Variants in ERCC8 observed in about 807,000 individuals in gnomAD.
The protein encoded by ERCC8 is ERCC excision repair 8, CSA ubiquitin ligase complex subunit.
Under a neutral mutation model 54.9 loss-of-function variants are expected in ERCC8, and 52 were observed. The observed-to-expected ratio is 0.95, with a 90% CI of 0.76 to 1.19. The LOEUF (loss-of-function observed/expected upper bound fraction) is 1.19. Among genes scored for constraint, ERCC8 ranks in the 50% most tolerant of loss-of-function variants. The pLI is 0.00. For missense variants in ERCC8, 514 were observed against 466.1 expected (o/e 1.10, Z -0.95); for synonymous variants, 146 against 157.2 (o/e 0.93, Z 0.53).
intron 1 of ERCC8, among the ~76,000 whole-genome samples, chr5:60,935,890 AC>A (rs1359342277): frequency 2.0e-5 from 3 of 152,298 alleles, no homozygotes; most frequent in African/African-American, 7.2e-5. Context: ...TATGAAACCC[AC>A]TTGATCATGG....
rs61759478 is a variant in ERCC8, at chr5:60,928,886, T to C, written c.151A>G (p.Ile51Val). 6.1e-5 allele frequency: 97 copies of C among 1,601,154 alleles called. 1 individual carries two copies. The Middle Eastern group carries it at 3.3e-3, about 54-fold the overall frequency. The change falls in exon 2 of 12, where the codon ATT (isoleucine) becomes GTT (valine). Residue 51 changes from isoleucine (I) to valine (V), a missense_variant. Physicochemically the swap from Ile to Val is conservative, Grantham distance 29. Transcript: ENST00000676185. ...TACTATCTCCCTTCAACAGGTTCAATGTCAAGGGTGTTAATTCCACCGCCG... is the reference window on the plus strand; with the variant it reads ...TACTATCTCCCTTCAACAGGTTCAACGTCAAGGGTGTTAATTCCACCGCCG... ...IHGGGINTLDIEPVEGRYMLS... is the reference protein window; with the variant it reads ...IHGGGINTLDVEPVEGRYMLS...
chr5:60,910,836 G>A (rs1561507259), intron 4 of ERCC8, among the ~76,000 whole-genome samples: 2 of 151,982 alleles, frequency 1.3e-5, no homozygotes, highest in African/African-American at 4.8e-5. Flanking sequence ...AATGCTTCCT[G>A]TCCAGTTCCT....
Position 60,869,303 on chromosome 5 carries a change from GT to G in ERCC8, c.*5311del, listed in dbSNP as rs1747815810. ...AGGTTTTCCTTTCCATTGTGAAATA[GT>G]GATTTTGCTTTGAAAAATAATTGAG... On this transcript the variant is annotated 3_prime_UTR_variant, in exon 12 of 12. Coordinates refer to ENST00000676185, the MANE Select transcript of ERCC8 (RefSeq NM_000082.4). Among the ~76,000 whole-genome samples the G allele has an allele frequency of 6.6e-6, 1 of 152,100 alleles. No homozygotes were observed. Among genetic ancestry groups the G allele is most frequent in the Non-Finnish European group, 1.5e-5 (1 of 67,998 alleles).
intron 2 of ERCC8, 102 bp from the exon 3 acceptor site, chr5:60,922,257 T>C (rs546952821): frequency 1.4e-6 from 1 of 728,454 alleles, no homozygotes; most frequent in Admixed American, 2.0e-5. Context: ...AACACTCAAA[T>C]GTATTAAGGA....
intron 11 of ERCC8, among the ~76,000 whole-genome samples, chr5:60,885,294 G>T (rs1191749308): frequency 6.6e-6 from 1 of 152,084 alleles, no homozygotes; most frequent in Admixed American, 6.5e-5. Flanking sequence ...GATTACAGAT[G>T]TGAGCCACCA....
At chr5:60,925,363 T>C (rs1749715955) in intron 2 of ERCC8, among the ~76,000 whole-genome samples, 1 of 152,182 alleles carries the variant, frequency 6.6e-6, no homozygotes, top group South Asian at 2.1e-4. Flanking sequence ...TCCAGCAGTT[T>C]TCCTCAGTAT....
chr5:60,919,126 A>G (rs913873195), intron 3 of ERCC8, among the ~76,000 whole-genome samples: 1 of 152,052 alleles, frequency 6.6e-6, no homozygotes, highest in African/African-American at 2.4e-5. Flanking sequence ...GATATTTAAT[A>G]TAGATAATTT....
intron 11 of ERCC8, among the ~76,000 whole-genome samples, chr5:60,884,523 G>GTTTTTTTTTTTTTTTTTT (rs71606648): frequency 7.8e-6 from 1 of 128,128 alleles, no homozygotes; most frequent in African/African-American, 2.9e-5. Context: ...GTGTGTATGT[G>GTTTTTTTTTTTTTTTTTT]TTTTTTTTTT....
intron 2 of ERCC8, among the ~76,000 whole-genome samples, chr5:60,928,414 A>G (rs527590316): frequency 6.6e-5 from 10 of 152,318 alleles, no homozygotes; most frequent in South Asian, 2.1e-4. Flanking sequence ...AAGGCAACTG[A>G]TAATTCGAAA....
Position 60,944,980 on chromosome 5 carries a change from G to C in ERCC8, c.29C>G (p.Thr10Arg), listed in dbSNP as rs887884214. The C allele has an allele frequency of 6.2e-7, 1 of 1,614,094 alleles. No homozygotes were observed. Among genetic ancestry groups the C allele is most frequent in the Non-Finnish European group, 8.5e-7 (1 of 1,179,978 alleles). ...AAGGCGAAGAGGGTCCTCCAAACCC[G>C]TTTGGCGTGCGGACAAAAACCCCAG... The part of the protein sequence containing the change: MLGFLSARQ[T>R]GLEDPLRLRR... Residue 10 changes from threonine (T) to arginine (R), a missense_variant, in exon 1 of 12, where the codon ACG becomes AGG. Physicochemically the swap from Thr to Arg is moderately conservative, Grantham distance 71 (BLOSUM62 -1). Transcript: ENST00000676185.
intron 8 of ERCC8, among the ~76,000 whole-genome samples, chr5:60,899,254 C>A (rs1253779868): frequency 6.6e-6 from 1 of 151,872 alleles, no homozygotes; most frequent in Non-Finnish European, 1.5e-5. Context: ...ACATTTAACA[C>A]AATTTTATGT....
chr5:60,876,214 AT>A (rs1326732340), intron 11 of ERCC8, among the ~76,000 whole-genome samples: 1 of 152,054 alleles, frequency 6.6e-6, no homozygotes, highest in East Asian at 1.9e-4. Flanking sequence ...TGAACTCATC[AT>A]TTTTTATGGC....
At chr5:60,892,129 T>TC (rs1748579879) in intron 9 of ERCC8, 1 of 500,520 alleles carries the variant, frequency 2.0e-6, no homozygotes, top group Non-Finnish European at 4.0e-6. Context: ...TGGGCACACA[T>TC]CCACCTTACT....
At chr5:60,896,790 C>T (rs1748736475) in intron 9 of ERCC8, among the ~76,000 whole-genome samples, 1 of 152,086 alleles carries the variant, frequency 6.6e-6, no homozygotes, top group Admixed American at 6.5e-5. Context: ...TGAGACTCAC[C>T]TTCAAGAAGG....
At chr5:60,927,200 T>C (rs1749773931) in intron 2 of ERCC8, among the ~76,000 whole-genome samples, 1 of 152,238 alleles carries the variant, frequency 6.6e-6, no homozygotes, top group African/African-American at 2.4e-5. Context: ...TGAAAATCTC[T>C]GCCAGATTTG....
chr5:60,903,569 A>G, intron 6 of ERCC8, 79 bp downstream of exon 6: 1 of 1,593,580 alleles, frequency 6.3e-7, no homozygotes, highest in Non-Finnish European at 8.6e-7. Flanking sequence ...TCACTTACAA[A>G]GAATACACTG....
At chr5:60,929,625 T>C (rs1749851046) in intron 1 of ERCC8, among the ~76,000 whole-genome samples, 1 of 152,122 alleles carries the variant, frequency 6.6e-6, no homozygotes, top group African/African-American at 2.4e-5. Context: ...CATTTATGTG[T>C]ATTTAAATAA....
chr5:60,923,904 A>G (rs955562542), intron 2 of ERCC8, among the ~76,000 whole-genome samples: 1 of 152,106 alleles, frequency 6.6e-6, no homozygotes, highest in Non-Finnish European at 1.5e-5. Context: ...AAAGTAACTC[A>G]TTATCATGAT....
chr5:60,904,634 GTATATATATATATATATA>G lies in ERCC8; in HGVS notation c.481+140_481+157del, dbSNP rs869039109. On this transcript the variant is annotated intron_variant, in intron 5 of 11. Coordinates refer to ENST00000676185, the MANE Select transcript of ERCC8 (RefSeq NM_000082.4). Reference sequence around the variant, plus strand: ...TTGAATATATATAGTGTGTGTGTGTGTATATATATATATATATATATATATATATATATATATATATAT... The same window carrying G: ...TTGAATATATATAGTGTGTGTGTGTGTATATATATATATATATATATATAT... Among the ~76,000 whole-genome samples the G allele has an allele frequency of 8.9e-3, 445 of 49,944 alleles. 10 individuals are homozygous for G. The highest frequency in any genetic ancestry group is 0.023 in the African/African-American group (273 of 11,884). 32.8% of individuals were successfully genotyped at this position (49,944 alleles called of 152,430 possible).
Sources: gnomAD v4.1 joint callset for allele counts (sites outside exome capture counted in the v4.1 genomes callset) on GRCh38, gnomAD v4.1.1 for gene constraint, MANE v1.5 for transcripts, NCBI Gene and HGNC (gene_info 2026-07-23, HGNC 2026-07-21) for gene names.